The following BMP7 variants were observed in gnomAD, a reference collection of about 807,000 sequenced individuals.
BMP7 encodes osteogenic protein 1.
A neutral mutation model predicts 41.2 loss-of-function variants in BMP7; 12 were observed. That is an observed-to-expected ratio of 0.29 (90% CI 0.19 to 0.47). BMP7 has a LOEUF of 0.47. BMP7 is among the 20% of genes least tolerant of loss of function. The pLI is 0.99. For synonymous variants in BMP7, 248 were observed against 250.0 expected (o/e 0.99, Z 0.07); for missense variants, 467 against 606.0 (o/e 0.77, Z 2.41).
intron 1 of BMP7, among the ~76,000 whole-genome samples, chr20:57,249,766 T>A (rs1005271059): frequency 6.6e-6 from 1 of 152,238 alleles, no homozygotes; most frequent in Non-Finnish European, 1.5e-5. Flanking sequence ...TACTGTCATG[T>A]TCACGGATGA....
At chr20:57,187,672 C>A (rs1001521415) in intron 3 of BMP7, among the ~76,000 whole-genome samples, 2 of 152,074 alleles carry the variant, frequency 1.3e-5, no homozygotes, top group African/African-American at 2.4e-5. Flanking sequence ...AAGAGGCCAC[C>A]CTGGTAGAAG....
At chr20:57,264,516 T>G (rs1055798826) in intron 1 of BMP7, among the ~76,000 whole-genome samples, 32 of 152,056 alleles carry the variant, frequency 2.1e-4, no homozygotes, top group Non-Finnish European at 2.1e-4. Flanking sequence ...TGCGCGCACA[T>G]ATGGAGGGGG....
intron 2 of BMP7, among the ~76,000 whole-genome samples, chr20:57,221,189 C>T (rs1302693829): frequency 6.6e-6 from 1 of 152,136 alleles, no homozygotes; most frequent in Middle Eastern, 3.2e-3. Flanking sequence ...CTATGCAGCC[C>T]CACACGGTTC....
intron 3 of BMP7, among the ~76,000 whole-genome samples, chr20:57,190,596 G>A (rs1239694821): frequency 6.6e-6 from 1 of 152,118 alleles, no homozygotes; most frequent in Non-Finnish European, 1.5e-5. Context: ...CCAGGGTTCT[G>A]TGGTGGGAGA....
intron 1 of BMP7, among the ~76,000 whole-genome samples, chr20:57,233,468 C>T (rs2066036349): frequency 6.6e-6 from 1 of 152,196 alleles, no homozygotes; most frequent in Admixed American, 6.5e-5. Flanking sequence ...AAAACCAGCC[C>T]TAAGAGGGGA....
At chr20:57,175,528 G>A (rs1338420582) in intron 4 of BMP7, among the ~76,000 whole-genome samples, 1 of 152,216 alleles carries the variant, frequency 6.6e-6, no homozygotes, top group African/African-American at 2.4e-5. Context: ...AGACAGCAGA[G>A]AGTCAAAACC....
chr20:57,226,054 T>G, intron 2 of BMP7: 1 of 435,206 alleles, frequency 2.3e-6, no homozygotes, highest in East Asian at 7.2e-5. Flanking sequence ...AGTTGCCTGT[T>G]GCCGGCAGCC....
In BMP7 at chr20:57,228,322, T is replaced by C; in HGVS notation, c.518A>G (p.Glu173Gly). 6.2e-7 allele frequency: 1 copy of C among 1,614,014 alleles called. No homozygotes were observed. Among genetic ancestry groups the C allele is most frequent in the Non-Finnish European group, 8.5e-7 (1 of 1,179,996 alleles). ...GATGTAGTCCTTGTAGATCCGGAATTCGGCTGCCGTGACAGCTTCCCCTTC... is the reference window on the plus strand; with the variant it reads ...GATGTAGTCCTTGTAGATCCGGAATCCGGCTGCCGTGACAGCTTCCCCTTC... ...IPEGEAVTAA[E>G]FRIYKDYIRE... Residue 173 changes from glutamate to glycine, a missense_variant, in exon 2 of 7, where the codon GAA (glutamate) becomes GGA (glycine). Transcript: ENST00000395863. The surrounding 1 kb of genome is among the most constrained non-coding windows in gnomAD (Gnocchi z 4.5).
chr20:57,173,329 T>C lies in BMP7; in HGVS notation c.1036-19A>G, dbSNP rs1371164955. 6.8e-6 allele frequency: 11 copies of C among 1,609,446 alleles called. No individual in the cohort carries two copies. The Admixed American group carries it at 1.7e-4, about 24-fold the overall frequency. On this transcript the variant is annotated intron_variant, in intron 5 of 6. Coordinates refer to ENST00000395863, the MANE Select transcript of BMP7 (RefSeq NM_001719.3). Reference sequence around the variant, plus strand: ...TCCAGTCCTGAGGAGGAGAAGAGAGTGTGGGAAACCATGCAGAAGGCCTGA... The same window carrying C: ...TCCAGTCCTGAGGAGGAGAAGAGAGCGTGGGAAACCATGCAGAAGGCCTGA...
chr20:57,183,952 T>C, intron 3 of BMP7, 33 bp from the exon 4 acceptor site: 1 of 1,608,598 alleles, frequency 6.2e-7, no homozygotes, highest in Non-Finnish European at 8.5e-7. Flanking sequence ...CACAGAAGAG[T>C]AGTTACAGGA....
intron 1 of BMP7, among the ~76,000 whole-genome samples, chr20:57,247,331 A>T (rs532034464): frequency 6.6e-6 from 1 of 152,336 alleles, no homozygotes; most frequent in South Asian, 2.1e-4. Context: ...CTGCATGTTG[A>T]CTTAATTCTT....
At chr20:57,200,790 C>CA (rs1039089310) in intron 3 of BMP7, among the ~76,000 whole-genome samples, 9 of 149,822 alleles carry the variant, frequency 6.0e-5, no homozygotes, top group South Asian at 2.1e-4. Context: ...GACTCCATCT[C>CA]AAAAAAAAAT....
rs1279472770 is a variant in BMP7, at chr20:57,259,192, C to T, written c.418+6513G>A. ...CTGCTGTCACCGAGAACTTCCGTTA[C>T]ACGGCAGTGAAGCCCCCAATCCCCC... On this transcript the variant is annotated intron_variant, in intron 1 of 6. Coordinates refer to ENST00000395863, the MANE Select transcript of BMP7 (RefSeq NM_001719.3). This position sits in a 1 kb window ranked among gnomAD's most constrained non-coding sequence, Gnocchi z 4.7. Among the ~76,000 whole-genome samples the T allele has an allele frequency of 1.3e-5, 2 of 152,146 alleles. No individual in the cohort carries two copies. The highest frequency in any genetic ancestry group is 2.9e-5 in the Non-Finnish European group (2 of 68,028).
Position 57,171,467 on chromosome 20 carries a change from C to T in BMP7, c.1147-359G>A, listed in dbSNP as rs185919003. 6.6e-6 allele frequency among the ~76,000 whole-genome samples: 1 copy of T among 152,314 alleles called. No homozygotes were observed. The highest frequency in any genetic ancestry group is 2.4e-5 in the African/African-American group (1 of 41,572). On this transcript the variant is annotated intron_variant, in intron 6 of 6. Transcript: ENST00000395863. The surrounding 1 kb of genome is among the most constrained non-coding windows in gnomAD (Gnocchi z 4.5). ...CCCACTAGAAGTGCTCCATCTTGCT[C>T]ATGGACTTCTCTGCACCTTACAGAG... is the stretch of plus-strand genomic sequence containing the variant.
intron 1 of BMP7, among the ~76,000 whole-genome samples, chr20:57,255,863 G>A (rs2066132554): frequency 6.8e-6 from 1 of 148,126 alleles, no homozygotes; most frequent in South Asian, 2.1e-4. Flanking sequence ...GCCCAGGAGA[G>A]AAAGCAAGCA....
chr20:57,171,213 C>T lies in BMP7; in HGVS notation c.1147-105G>A. The stretch of plus-strand genomic sequence containing the variant: ...CATCCTGTCTGGGCATAATGAATGA[C>T]TGCAGGTGACACTCCCCAAGCCAAG... On this transcript the variant is annotated intron_variant, in intron 6 of 6. Transcript: ENST00000395863. This position sits in a 1 kb window ranked among gnomAD's most constrained non-coding sequence, Gnocchi z 4.5. 6.7e-7 allele frequency: 1 copy of T among 1,503,190 alleles called. No homozygotes were observed. The highest frequency in any genetic ancestry group is 9.2e-7 in the Non-Finnish European group (1 of 1,091,660). The allele number at this position is 1,503,190 out of a possible 1,614,324, so 93.1% of individuals were successfully genotyped here.
chr20:57,233,961 A>G (rs1010172516), intron 1 of BMP7, among the ~76,000 whole-genome samples: 1 of 152,246 alleles, frequency 6.6e-6, no homozygotes, highest in African/African-American at 2.4e-5. Flanking sequence ...TACAGAAGAT[A>G]TATTTCTCCT....
At chr20:57,222,909 A>T (rs957652926) in intron 2 of BMP7, among the ~76,000 whole-genome samples, 1 of 145,612 alleles carries the variant, frequency 6.9e-6, no homozygotes, top group Non-Finnish European at 1.5e-5. Flanking sequence ...ACCCTTAGCC[A>T]GTCCCTTTCC....
chr20:57,220,725 C>A (rs192393934), intron 2 of BMP7, among the ~76,000 whole-genome samples: 1 of 152,284 alleles, frequency 6.6e-6, no homozygotes, highest in East Asian at 1.9e-4. Context: ...TAATTATAAT[C>A]ATCACAGGGA....
Sources: gnomAD v4.1 joint callset for allele counts (sites outside exome capture counted in the v4.1 genomes callset) on GRCh38, gnomAD v4.1.1 for gene constraint, Gnocchi (gnomAD v3.1) non-coding constraint, MANE v1.5 for transcripts, NCBI Gene and HGNC (gene_info 2026-07-23, HGNC 2026-07-21) for gene names.